AKNA: variants seen among roughly 807,000 people sequenced by gnomAD.
AKNA encodes microtubule organization protein AKNA.
AKNA carries 67 observed loss-of-function variants against 138.8 expected under a neutral mutation model. The ratio of observed to expected loss-of-function variants is 0.48; its 90% CI spans 0.40 to 0.59. AKNA has a LOEUF of 0.59. Ranked by LOEUF, AKNA falls within the 20% of genes least tolerant of loss-of-function variation. AKNA has a pLI of 0.00. For missense variants in AKNA, 1,813 were observed against 1,880.4 expected, an observed-to-expected ratio of 0.96 and a Z score of 0.66; for synonymous variants, 737 against 754.4, an observed-to-expected ratio of 0.98 and a Z score of 0.38.
At position 114,365,857 on chromosome 9, in the gene AKNA, T is replaced by C. The variant is rs112905440; in HGVS notation, c.1729-1238A>G. ...TCACATGTGGCCAGCAGCTTCTGAA[T>C]TGGACCGTGCAGCACTAGACATGAG... On this transcript the variant is annotated intron_variant, in intron 6 of 21. Transcript: ENST00000374088. 2.5e-3 allele frequency among the ~76,000 whole-genome samples: 376 copies of C among 152,326 alleles called. 4 individuals carry two copies. Among genetic ancestry groups the C allele is most frequent in the African/African-American group, 8.4e-3 (350 of 41,562 alleles).
chr9:114,379,127 C>T (rs963379722), intron 2 of AKNA, among the ~76,000 whole-genome samples: 1 of 152,234 alleles, frequency 6.6e-6, no homozygotes, highest in Non-Finnish European at 1.5e-5. Context: ...GGTGAGTTTG[C>T]TTCCACCACT....
chr9:114,339,562 G>A (rs1830204136), intron 21 of AKNA, among the ~76,000 whole-genome samples: 11 of 152,214 alleles, frequency 7.2e-5, no homozygotes, highest in Admixed American at 7.2e-4. Context: ...GGTGAGTTCT[G>A]CCCACAGGCC....
chr9:114,391,480 G>A (rs189342285), upstream of AKNA, among the ~76,000 whole-genome samples: 266 of 152,276 alleles, frequency 1.7e-3, no homozygotes, highest in African/African-American at 6.0e-3. Context: ...TTGTATAGGT[G>A]AGGACACTGA....
intron 13 of AKNA, 97 bp downstream of exon 13, chr9:114,356,766 A>G (rs1588971503): frequency 1.8e-6 from 2 of 1,086,172 alleles, no homozygotes; most frequent in Non-Finnish European, 2.6e-6. Context: ...GAATGGACAG[A>G]CCATCCTCTC....
At chr9:114,331,905 T>G, downstream of AKNA, 2 of 1,613,856 alleles carry the variant, frequency 1.2e-6, no homozygotes, top group Non-Finnish European at 1.7e-6. Context: ...CCAGGTCAGA[T>G]GTCATGTACA....
chr9:114,368,195 C>T (rs371140584), intron 5 of AKNA: 8 of 392,744 alleles, frequency 2.0e-5, no homozygotes, highest in East Asian at 3.8e-5. Context: ...ATGTTTTCAA[C>T]TCACCCAGGG....
chr9:114,346,015 G>A lies in AKNA; in HGVS notation c.3515-6C>T, dbSNP rs1296309121. 1.2e-6 allele frequency: 2 copies of A among 1,608,190 alleles called. No individual in the cohort carries two copies. The highest frequency in any genetic ancestry group is 1.7e-6 in the Non-Finnish European group (2 of 1,175,624). ...GGGCAGCTCAGATTCTGAACCTGGG[G>A]TAGAAAAAGTGGGGCATCAGAGGGG... On this transcript the variant is annotated splice_polypyrimidine_tract_variant and splice_region_variant and intron_variant, in intron 17 of 21. Coordinates refer to ENST00000374088, the MANE Select transcript of AKNA (RefSeq NM_001317950.2).
chr9:114,368,534 TG>T lies in AKNA; in HGVS notation c.1477del (p.Gln493ArgfsTer41). 1.4e-6 allele frequency: 2 copies of T among 1,383,288 alleles called. No homozygotes were observed. The highest frequency in any genetic ancestry group is 1.9e-6 in the Non-Finnish European group (2 of 1,061,160). The allele number at this position is 1,383,288 out of a possible 1,614,324, so 85.7% of individuals were successfully genotyped here. A position where few individuals can be genotyped will look rare whatever the true frequency, so the allele number is the denominator to read the frequency against. On this transcript the variant is annotated frameshift_variant, in exon 5 of 22. Coordinates refer to ENST00000374088, the MANE Select transcript of AKNA (RefSeq NM_001317950.2). LOFTEE classifies it high-confidence loss of function. ...GGTGAAGGACAAGACCTTGGTCCCC[TG>T]GGGCACCATTCCCGTGTGGATGCTG... ...NHSIHTGMVP[Q>X]GTKVLSFTIP...
chr9:114,341,914 C>T, intron 20 of AKNA, 95 bp downstream of exon 20: 2 of 1,374,290 alleles, frequency 1.5e-6, no homozygotes, highest in Admixed American at 1.7e-5. Flanking sequence ...CAGACTGGAA[C>T]AACAGCTGCT....
In AKNA at chr9:114,381,103, G is replaced by C. The variant is rs752873450; in HGVS notation, c.231C>G (p.Pro77=). 1 of 1,602,036 alleles carries C rather than the reference G, an allele frequency of 6.2e-7. No homozygotes were observed. Among genetic ancestry groups the C allele is most frequent in the Non-Finnish European group, 8.5e-7 (1 of 1,175,666 alleles). Residue 77 remains proline, a synonymous_variant, in exon 2 of 22, where the codon CCC becomes CCG. Transcript: ENST00000374088. ...PPLEWDPHPQ[P]DGHQDSESGE... ...CTGACTCGGAATCCTGATGCCCATC[G>C]GGCTGCGGGTGTGGGTCCCACTCCA...
At chr9:114,358,866 C>T (rs543825502) in intron 11 of AKNA, among the ~76,000 whole-genome samples, 18 of 151,916 alleles carry the variant, frequency 1.2e-4, no homozygotes, top group Middle Eastern at 3.4e-3. Context: ...GGAGATATAC[C>T]TAATGTTAAA....
upstream of AKNA, among the ~76,000 whole-genome samples, chr9:114,396,426 A>G (rs181917823): frequency 6.6e-6 from 1 of 152,264 alleles, no homozygotes; most frequent in East Asian, 1.9e-4. Context: ...CACGCCTGTA[A>G]TCCCAGCACT....
rs1169481020 is a variant in AKNA at position 114,358,022 on chromosome 9, C to T, written c.2638G>A (p.Ala880Thr). 7 of 1,609,846 alleles carry T rather than the reference C, an allele frequency of 4.3e-6. No homozygotes were observed. The highest frequency in any genetic ancestry group is 1.1e-5 in the South Asian group (1 of 90,804). The change falls in exon 12 of 22, where the codon GCA (alanine) becomes ACA (threonine). Residue 880 changes from alanine to threonine, a missense_variant. Physicochemically the swap from Ala to Thr is moderately conservative, Grantham distance 58. Coordinates refer to ENST00000374088, the MANE Select transcript of AKNA (RefSeq NM_001317950.2). ...VPPHPPGTKS[A>T]ASHQSSMTSL... The stretch of plus-strand genomic sequence containing the variant: ...GTCATACTACTTTGGTGGGATGCTG[C>T]GGACTTGGTGCCTGGAGGGTGGGGT...
chr9:114,362,473 G>A lies in AKNA; in HGVS notation c.1849C>T (p.Arg617Trp), dbSNP rs779357962. 13 of 1,613,096 alleles carry A rather than the reference G, an allele frequency of 8.1e-6. No individual in the cohort carries two copies. The highest frequency in any genetic ancestry group is 3.3e-5 in the South Asian group (3 of 90,902). The change falls in exon 8 of 22, where the codon CGG becomes TGG. Residue 617 changes from arginine (R) to tryptophan (W), a missense_variant. Physicochemically the swap from Arg to Trp is moderately radical, Grantham distance 101. Transcript: ENST00000374088. ...ALEEEYLKAC[R>W]EQHPAQPLAG... Reference sequence around the variant, plus strand: ...AGCGGCTGGGCAGGGTGTTGCTCCCGACAAGCCTTCAGGTACTCCTCCTCT... The same window carrying A: ...AGCGGCTGGGCAGGGTGTTGCTCCCAACAAGCCTTCAGGTACTCCTCCTCT...
chr9:114,331,609 A>T (rs776088063), downstream of AKNA: 1 of 1,613,904 alleles, frequency 6.2e-7, no homozygotes, highest in South Asian at 1.1e-5. Flanking sequence ...TTCCTTAGGG[A>T]CACCAAGACC....
chr9:114,350,418 A>C (rs1831024064), intron 15 of AKNA, among the ~76,000 whole-genome samples: 1 of 152,184 alleles, frequency 6.6e-6, no homozygotes, highest in Admixed American at 6.5e-5. Context: ...AAGCGATTTT[A>C]CCATTTCTGT....
chr9:114,331,630 G>C (rs1181566219), downstream of AKNA: 11 of 1,613,838 alleles, frequency 6.8e-6, no homozygotes, highest in Admixed American at 1.7e-5. Flanking sequence ...TTGATGTTTG[G>C]TTCCTACCTG....
intron 1 of AKNA, among the ~76,000 whole-genome samples, chr9:114,393,046 T>G (rs1362568895): frequency 6.6e-6 from 1 of 152,170 alleles, no homozygotes; most frequent in Non-Finnish European, 1.5e-5. Flanking sequence ...AAAACTATAC[T>G]GAACACCTAT....
At chr9:114,338,782 G>A (rs1588935214) in intron 21 of AKNA, among the ~76,000 whole-genome samples, 1 of 152,316 alleles carries the variant, frequency 6.6e-6, no homozygotes, top group Non-Finnish European at 1.5e-5. Context: ...GAAAATTCAG[G>A]TAAAAAGCTG....
Sources: gnomAD v4.1 joint callset for allele counts (sites outside exome capture counted in the v4.1 genomes callset) on GRCh38, gnomAD v4.1.1 for gene constraint, MANE v1.5 for transcripts, NCBI Gene and HGNC (gene_info 2026-07-23, HGNC 2026-07-21) for gene names.